Variants in UBR4 observed in about 807,000 individuals in gnomAD.
UBR4 encodes the protein E3 ubiquitin-protein ligase UBR4.
A neutral mutation model predicts 575.6 loss-of-function variants in UBR4; 124 were observed. The ratio of observed to expected loss-of-function variants is 0.22; its 90% CI spans 0.19 to 0.25. The LOEUF is 0.25. Ranked by LOEUF, UBR4 falls within the 10% of genes least tolerant of loss-of-function variation. UBR4 has a pLI of 1.00. For synonymous variants in UBR4, 2,455 were observed against 2,473.7 expected, an observed-to-expected ratio of 0.99 and a Z score of 0.22; for missense variants, 4,818 against 6,478.8, an observed-to-expected ratio of 0.74 and a Z score of 8.80.
At chr1:19,132,543 C>T (rs1220148390) in intron 60 of UBR4, among the ~76,000 whole-genome samples, 2 of 129,158 alleles carry the variant, frequency 1.5e-5, no homozygotes, top group South Asian at 5.0e-4. Flanking sequence ...GTTTGTATCT[C>T]ATGAGCCAGA....
At position 19,170,640 on chromosome 1, in the gene UBR4, T is replaced by C. The variant is rs978878500; in HGVS notation, c.3643+122A>G. ...AAAATAGACAAACCTACCTAAATGC[T>C]TGATACACAAAAAGGCTCCAATAAA... is the stretch of plus-strand genomic sequence containing the variant. On this transcript the variant is annotated intron_variant, in intron 26 of 105. Coordinates refer to ENST00000375254, the MANE Select transcript of UBR4 (RefSeq NM_020765.3). 2.6e-5 allele frequency: 35 copies of C among 1,347,260 alleles called. No homozygotes were observed. The African/African-American group carries it at 4.9e-4, about 19-fold the overall frequency. The allele number at this position is 1,347,260 out of a possible 1,614,324, so 83.5% of individuals were successfully genotyped here.
intron 103 of UBR4, chr1:19,079,139 A>G (rs1423502902): frequency 6.6e-6 from 1 of 152,374 alleles, no homozygotes; most frequent in Middle Eastern, 3.4e-3. Flanking sequence ...TCATAAAAAT[A>G]AGAAACATAG....
In UBR4 at chr1:19,187,301, C is replaced by G; in HGVS notation, c.1495G>C (p.Gly499Arg). 5 of 1,612,688 alleles carry G rather than the reference C, an allele frequency of 3.1e-6. No individual in the cohort carries two copies. The highest frequency in any genetic ancestry group is 4.2e-6 in the Non-Finnish European group (5 of 1,179,070). ...GCAGGGGGGCCATCTGTCTCCCAAC[C>G]CTGAAGGCAATGATATCAAAGGGCA... ...QDLQVEALHK[G>R]WETDGPPAAL... The change falls in exon 13 of 106, where the codon GGT becomes CGT. Residue 499 changes from glycine to arginine, a missense_variant and splice_region_variant. Gly to Arg is a moderately radical substitution (Grantham distance 125). Coordinates refer to ENST00000375254, the MANE Select transcript of UBR4 (RefSeq NM_020765.3).
intron 1 of UBR4, among the ~76,000 whole-genome samples, chr1:19,204,527 T>TAAA (rs142907721): frequency 6.9e-6 from 1 of 145,472 alleles, no homozygotes; most frequent in Admixed American, 6.8e-5. Flanking sequence ...ATGAAATATA[T>TAAA]AAAAAAAAAT....
chr1:19,138,109 G>A lies in UBR4; in HGVS notation c.8804C>T (p.Ser2935Leu). The A allele has an allele frequency of 6.3e-7, 1 of 1,599,022 alleles. No individual in the cohort carries two copies. The change falls in exon 60 of 106, where the codon TCA becomes TTA. Residue 2935 changes from serine (S) to leucine (L), a missense_variant. Around this residue, in one of 29 missense-constraint regions of UBR4, gnomAD observed 57 missense variants for 101.5 expected, o/e 0.56. Transcript: ENST00000375254. The part of the protein sequence containing the change: ...GHPAGPGSVS[S>L]STGAISTTTG... ...GGTGGTGCTGATGGCTCCAGTGCTTGAGCTGACACTTCCTGGTCCAGCCGG... is the reference window on the plus strand; with the variant it reads ...GGTGGTGCTGATGGCTCCAGTGCTTAAGCTGACACTTCCTGGTCCAGCCGG...
rs1557950197 is a variant in UBR4 at position 19,184,135 on chromosome 1, G to A, written c.1979C>T (p.Ser660Phe). 6.2e-7 allele frequency: 1 copy of A among 1,614,182 alleles called. No individual in the cohort carries two copies. The highest frequency in any genetic ancestry group is 1.6e-4 in the Middle Eastern group (1 of 6,062). Residue 660 changes from serine to phenylalanine, a missense_variant, in exon 16 of 106, where the codon TCT becomes TTT. Physicochemically the swap from Ser to Phe is radical, Grantham distance 155 (BLOSUM62 -2). This residue lies in a region of UBR4 where 1,172 missense variants were observed against 1,259.7 expected (regional missense o/e 0.93). Coordinates refer to ENST00000375254, the MANE Select transcript of UBR4 (RefSeq NM_020765.3). ...LASNILNFIT[S>F]SMLNSRNNFI... ...ATTGTTCCGAGAGTTCAGCATGGAAGAGGTGATGAAGTTCAAAATGTTGGA... is the reference window on the plus strand; with the variant it reads ...ATTGTTCCGAGAGTTCAGCATGGAAAAGGTGATGAAGTTCAAAATGTTGGA...
rs779446675 is a variant in UBR4 at position 19,192,381 on chromosome 1, G to A, written c.1204-3C>T. On this transcript the variant is annotated splice_region_variant and splice_polypyrimidine_tract_variant and intron_variant, in intron 10 of 105. Transcript: ENST00000375254. ...AGCAATTGGAAATTCTGATAGTGCT[G>A]TTGTGAAAGGCACAAAATAAAAAAC... 5.0e-6 allele frequency: 8 copies of A among 1,613,980 alleles called. No homozygotes were observed. The highest frequency in any genetic ancestry group is 1.1e-5 in the South Asian group (1 of 91,086).
intron 9 of UBR4, 27 bp downstream of exon 9, chr1:19,193,406 T>A (rs976127321): frequency 5.0e-6 from 8 of 1,610,514 alleles, no homozygotes; most frequent in Non-Finnish European, 6.8e-6. Context: ...CAATCAAGGT[T>A]CCCTTATCCC....
chr1:19,110,159 G>A lies in UBR4; in HGVS notation c.12042C>T (p.Leu4014=), dbSNP rs774037466. The A allele has an allele frequency of 1.2e-6, 2 of 1,614,210 alleles. No individual in the cohort carries two copies. The highest frequency in any genetic ancestry group is 1.7e-4 in the Middle Eastern group (1 of 6,060). ...GCTTCTGCAAGATCCTCAGGCACAT[G>A]AGGGTAATGTTTTCAACCACCACAG... The part of the protein sequence containing the change: ...KTPVVVENIT[L]MCLRILQKLI... The change falls in exon 81 of 106, where the codon CTC becomes CTT. Residue 4014 remains leucine (L), a synonymous_variant. Coordinates refer to ENST00000375254, the MANE Select transcript of UBR4 (RefSeq NM_020765.3). This position sits in a 1 kb window ranked among gnomAD's most constrained non-coding sequence, Gnocchi z 4.5.
chr1:19,104,018 T>A, intron 87 of UBR4, 66 bp downstream of exon 87: 1 of 1,556,032 alleles, frequency 6.4e-7, no homozygotes, highest in African/African-American at 1.4e-5. Context: ...GGGAAATTGG[T>A]CGAATGCACC....
rs1327843682 is a variant in UBR4 at position 19,117,264 on chromosome 1, A to G, written c.10780T>C (p.Tyr3594His). The G allele has an allele frequency of 6.2e-7, 1 of 1,613,994 alleles. No homozygotes were observed. The highest frequency in any genetic ancestry group is 8.5e-7 in the Non-Finnish European group (1 of 1,180,034). ...ATGGCCTGCACGGTTCGGTTGTTAT[A>G]ATACAGGTTGATGGTCCGCACCATC... The part of the protein sequence containing the change: ...TKMVRTINLY[Y>H]NNRTVQAIVE... Residue 3594 changes from tyrosine (Y) to histidine (H), a missense_variant, in exon 73 of 106, where the codon TAT becomes CAT. Tyr to His is a moderately conservative substitution (Grantham distance 83). Around this residue, in one of 29 missense-constraint regions of UBR4, gnomAD observed 550 missense variants for 791.5 expected, o/e 0.69. Coordinates refer to ENST00000375254, the MANE Select transcript of UBR4 (RefSeq NM_020765.3). This position sits in a 1 kb window ranked among gnomAD's most constrained non-coding sequence, Gnocchi z 4.0.
At position 19,110,422 on chromosome 1, in the gene UBR4, T is replaced by G; in HGVS notation, c.11935A>C (p.Ile3979Leu). Residue 3979 changes from isoleucine (I) to leucine (L), a missense_variant, in exon 80 of 106, where the codon ATC becomes CTC. Ile to Leu is a conservative substitution (Grantham distance 5, BLOSUM62 2). Coordinates refer to ENST00000375254, the MANE Select transcript of UBR4 (RefSeq NM_020765.3). This position sits in a 1 kb window ranked among gnomAD's most constrained non-coding sequence, Gnocchi z 4.5. ...TCCCAGCAGCTGTCCTCCTTGGAGA[T>G]AGAATCCGTCAGCAGCAGCATTTCA... ...QYEMLLLTDS[I>L]SKEDSCWELR... is the part of the protein sequence containing the mutation. 3 of 1,614,152 alleles carry G rather than the reference T, an allele frequency of 1.9e-6. No individual in the cohort carries two copies. The highest frequency in any genetic ancestry group is 2.5e-6 in the Non-Finnish European group (3 of 1,180,032).
Position 19,173,113 on chromosome 1 carries a change from A to G in UBR4, c.3292-20T>C. 1 of 1,613,728 alleles carries G rather than the reference A, an allele frequency of 6.2e-7. No homozygotes were observed. Among genetic ancestry groups the G allele is most frequent in the Non-Finnish European group, 8.5e-7 (1 of 1,179,598 alleles). ...TGAGATCTTTAAAAATATGCAAAAT[A>G]TAATTAGCTGTGGCAATGGGCTATG... On this transcript the variant is annotated intron_variant, in intron 24 of 105. Coordinates refer to ENST00000375254, the MANE Select transcript of UBR4 (RefSeq NM_020765.3).
chr1:19,159,078 G>A (rs1172808269), intron 39 of UBR4, among the ~76,000 whole-genome samples: 2 of 152,114 alleles, frequency 1.3e-5, no homozygotes, highest in African/African-American at 2.4e-5. Context: ...CCAGTGAGGC[G>A]GAAGTCGCAG....
Position 19,210,229 on chromosome 1 carries a change from TCGCCGC to T in UBR4, c.14_19del (p.Gly5_Gly6del). 1.4e-6 allele frequency: 2 copies of T among 1,427,592 alleles called. No individual in the cohort carries two copies. The highest frequency in any genetic ancestry group is 6.1e-5 in the Admixed American group (2 of 32,620). 88.4% of individuals were successfully genotyped at this position (1,427,592 alleles called of 1,614,324 possible). ...CGCCGGAGCCGCTGCCGCCGCCTCTTCGCCGCCGCTCGTCGCCATCTTCCGTCGTAC... is the reference window on the plus strand; with the variant it reads ...CGCCGGAGCCGCTGCCGCCGCCTCTTCGCTCGTCGCCATCTTCCGTCGTAC... On this transcript the variant is annotated inframe_deletion, in exon 1 of 106. Coordinates refer to ENST00000375254, the MANE Select transcript of UBR4 (RefSeq NM_020765.3).
At chr1:19,193,784 C>T (rs908192586) in intron 8 of UBR4, among the ~76,000 whole-genome samples, 1 of 152,126 alleles carries the variant, frequency 6.6e-6, no homozygotes, top group Non-Finnish European at 1.5e-5. Context: ...CACACACACA[C>T]TACACACGAA....
In UBR4 at chr1:19,192,410, A is replaced by G. The variant is rs769595704; in HGVS notation, c.1204-32T>C. 1.4e-5 allele frequency: 22 copies of G among 1,613,988 alleles called. No individual in the cohort carries two copies. The East Asian group carries it at 4.9e-4, about 36-fold the overall frequency. On this transcript the variant is annotated intron_variant, in intron 10 of 105. Coordinates refer to ENST00000375254, the MANE Select transcript of UBR4 (RefSeq NM_020765.3). Reference sequence around the variant, plus strand: ...TGAAAGGCACAAAATAAAAAACATAATCATAGAGATATTTACATCTCAGAG... The same window carrying G: ...TGAAAGGCACAAAATAAAAAACATAGTCATAGAGATATTTACATCTCAGAG...
At chr1:19,170,416 T>TGGGGA (rs1409336884) in intron 26 of UBR4, among the ~76,000 whole-genome samples, 1 of 149,526 alleles carries the variant, frequency 6.7e-6, no homozygotes, top group Non-Finnish European at 1.5e-5. Context: ...GAGAAGAGAG[T>TGGGGA]GGGGAGGGGA....
chr1:19,090,183 G>A (rs1047331724), intron 97 of UBR4, among the ~76,000 whole-genome samples: 2 of 152,038 alleles, frequency 1.3e-5, no homozygotes, highest in Non-Finnish European at 2.9e-5. Context: ...AGCTTCTCAC[G>A]TTCGGTCACT....
Sources: gnomAD v4.1 joint callset for allele counts (sites outside exome capture counted in the v4.1 genomes callset) on GRCh38, gnomAD v4.1.1 for gene constraint, gnomAD v4.1.1 regional missense constraint, Gnocchi (gnomAD v3.1) non-coding constraint, MANE v1.5 for transcripts, NCBI Gene and HGNC (gene_info 2026-07-23, HGNC 2026-07-21) for gene names.